Variants in AGBL4 observed in about 807,000 individuals in gnomAD.
AGBL4 encodes the protein cytosolic carboxypeptidase 6.
AGBL4 carries 58 observed loss-of-function variants against 66.4 expected under a neutral mutation model. The observed-to-expected ratio is 0.87, with a 90% CI of 0.71 to 1.09. The LOEUF (loss-of-function observed/expected upper bound fraction) is 1.09, where lower values mean the gene tolerates loss of function less well. Among genes scored for constraint, AGBL4 ranks in the 50% least tolerant of loss-of-function variants. The pLI is 0.00. For synonymous variants in AGBL4, 234 were observed against 222.9 expected (o/e 1.05, Z -0.44); for missense variants, 579 against 631.0 (o/e 0.92, Z 0.88).
intron 3 of AGBL4, among the ~76,000 whole-genome samples, chr1:49,401,479 CAT>C (rs530959134): frequency 2.1e-4 from 32 of 152,298 alleles, no homozygotes; most frequent in African/African-American, 6.3e-4. Flanking sequence ...TAGATTTGCA[CAT>C]GTTGAACCAT....
chr1:49,394,613 T>C (rs1472859297), intron 3 of AGBL4, among the ~76,000 whole-genome samples: 2 of 152,130 alleles, frequency 1.3e-5, no homozygotes, highest in African/African-American at 4.8e-5. Flanking sequence ...AAGAAAAACG[T>C]AAACCCTGAA....
intron 2 of AGBL4, among the ~76,000 whole-genome samples, chr1:49,786,247 T>C (rs1644452629): frequency 6.6e-6 from 1 of 152,164 alleles, no homozygotes; most frequent in African/African-American, 2.4e-5. Context: ...GATCAAACTA[T>C]GTATATAGTG....
At chr1:48,696,034 C>T (rs1399569222) in intron 6 of AGBL4, among the ~76,000 whole-genome samples, 7 of 152,194 alleles carry the variant, frequency 4.6e-5, no homozygotes, top group African/African-American at 1.2e-4. Context: ...CCTTCTAATG[C>T]TACAGGCTGT....
chr1:48,590,400 C>G (rs1003293178), intron 10 of AGBL4, among the ~76,000 whole-genome samples: 1 of 117,312 alleles, frequency 8.5e-6, no homozygotes, highest in African/African-American at 3.4e-5. Context: ...GAGTGAAACT[C>G]AGTCTCAAAA....
At chr1:49,936,292 GA>G (rs1557596259) in intron 1 of AGBL4, among the ~76,000 whole-genome samples, 1 of 152,046 alleles carries the variant, frequency 6.6e-6, no homozygotes, top group Non-Finnish European at 1.5e-5. Flanking sequence ...AGAGAAAAAA[GA>G]ATAAAAAGAA....
At chr1:49,329,522 C>T (rs891010990) in intron 3 of AGBL4, among the ~76,000 whole-genome samples, 2 of 152,016 alleles carry the variant, frequency 1.3e-5, no homozygotes, top group South Asian at 2.1e-4. Context: ...AAAAATTAGC[C>T]GGACGGGGTG....
chr1:49,389,993 T>C (rs1644813509), intron 3 of AGBL4, among the ~76,000 whole-genome samples: 1 of 152,196 alleles, frequency 6.6e-6, no homozygotes, highest in South Asian at 2.1e-4. Flanking sequence ...CAAAATTTCA[T>C]GCTAGGCTAG....
chr1:49,045,898 A>G (rs764563764), intron 4 of AGBL4, 98 bp from the exon 5 acceptor site: 1 of 983,298 alleles, frequency 1.0e-6, no homozygotes, highest in Non-Finnish European at 1.5e-6. Flanking sequence ...AAACTGTAAC[A>G]TCAAGAACCA....
At chr1:48,728,249 G>A (rs1019007962) in intron 6 of AGBL4, among the ~76,000 whole-genome samples, 1 of 152,132 alleles carries the variant, frequency 6.6e-6, no homozygotes, top group Admixed American at 6.5e-5. Context: ...TAAAAGTAAT[G>A]ATAAAGTGTC....
At chr1:49,957,849 GC>G (rs1656755652) in intron 1 of AGBL4, among the ~76,000 whole-genome samples, 1 of 152,026 alleles carries the variant, frequency 6.6e-6, no homozygotes, top group African/African-American at 2.4e-5. Context: ...GGAGCATTTA[GC>G]CCATTTACAT....
At position 48,849,867 on chromosome 1, in the gene AGBL4, G is replaced by C. The variant is rs189069825; in HGVS notation, c.634+17324C>G. 1.0e-3 allele frequency among the ~76,000 whole-genome samples: 154 copies of C among 152,286 alleles called. 6 individuals are homozygous for C. The East Asian group carries it at 0.026, about 26-fold the overall frequency. On this transcript the variant is annotated intron_variant, in intron 6 of 13. Coordinates refer to ENST00000371839, the MANE Select transcript of AGBL4 (RefSeq NM_032785.4). The stretch of plus-strand genomic sequence containing the variant: ...ATGTGCCTGTAGTCCCAGCTACTTG[G>C]CAGGCTGAGGCAGGAAAATCGCTGG...
At chr1:49,781,299 C>T (rs946808708) in intron 2 of AGBL4, among the ~76,000 whole-genome samples, 2 of 151,900 alleles carry the variant, frequency 1.3e-5, no homozygotes, top group South Asian at 2.1e-4. Context: ...GAGGCTGAGG[C>T]GGAAGGATTG....
chr1:49,797,924 C>T lies in AGBL4; in HGVS notation c.157+53472G>A, dbSNP rs374246031. On this transcript the variant is annotated intron_variant, in intron 2 of 13. Coordinates refer to ENST00000371839, the MANE Select transcript of AGBL4 (RefSeq NM_032785.4). ...GACTACAGGCATGTGCCACCACACC[C>T]GGCTAATTTTGTATTTTTAGTAGAG... Among the ~76,000 whole-genome samples the T allele has an allele frequency of 1.1e-4, 17 of 152,144 alleles. No homozygotes were observed. In the East Asian group the frequency reaches 2.5e-3, roughly 23 times the overall value.
intron 3 of AGBL4, among the ~76,000 whole-genome samples, chr1:49,319,122 C>T (rs1402726775): frequency 4.6e-5 from 7 of 152,296 alleles, no homozygotes; most frequent in African/African-American, 1.7e-4. Context: ...ACTTTATATG[C>T]ATGATCTCAT....
At chr1:48,837,717 A>AC (rs1374481406) in intron 6 of AGBL4, among the ~76,000 whole-genome samples, 2 of 97,610 alleles carry the variant, frequency 2.0e-5, no homozygotes, top group African/African-American at 1.1e-4. Flanking sequence ...CACACTATAT[A>AC]TATATATATA....
At chr1:48,772,035 C>G (rs1644861661) in intron 6 of AGBL4, among the ~76,000 whole-genome samples, 1 of 152,180 alleles carries the variant, frequency 6.6e-6, no homozygotes, top group African/African-American at 2.4e-5. Context: ...TCTCCTCAAG[C>G]ACAAAAATGC....
In AGBL4 at chr1:48,828,263, A is replaced by C. The variant is rs77646845; in HGVS notation, c.634+38928T>G. Among the ~76,000 whole-genome samples, 797 of 152,042 alleles carry C rather than the reference A, an allele frequency of 5.2e-3. 9 individuals are homozygous for C. The highest frequency in any genetic ancestry group is 6.5e-3 in the Non-Finnish European group (442 of 67,994). On this transcript the variant is annotated intron_variant, in intron 6 of 13. Coordinates refer to ENST00000371839, the MANE Select transcript of AGBL4 (RefSeq NM_032785.4). ...ATGCCAAAACATCAGACAGTAGAAG[A>C]GAGAAGACGGATTACTCCCCTCCTA...
chr1:48,891,267 G>A (rs1409032506), intron 5 of AGBL4, among the ~76,000 whole-genome samples: 1 of 150,702 alleles, frequency 6.6e-6, no homozygotes, highest in Non-Finnish European at 1.5e-5. Context: ...AGTCAGTAAA[G>A]GTCTAGGAAT....
At chr1:48,663,063 G>A in intron 7 of AGBL4, 89 bp downstream of exon 7, 1 of 1,179,664 alleles carries the variant, frequency 8.5e-7, no homozygotes, top group Non-Finnish European at 1.2e-6. Context: ...TAAGATAATG[G>A]CTCTGCATGT....
Sources: gnomAD v4.1 joint callset for allele counts (sites outside exome capture counted in the v4.1 genomes callset) on GRCh38, gnomAD v4.1.1 for gene constraint, MANE v1.5 for transcripts, NCBI Gene and HGNC (gene_info 2026-07-23, HGNC 2026-07-21) for gene names.